The following NOS1AP variants were observed in gnomAD, a reference collection of about 807,000 sequenced individuals.
NOS1AP encodes the protein carboxyl-terminal PDZ ligand of neuronal nitric oxide synthase protein.
Under a neutral mutation model 56.2 loss-of-function variants are expected in NOS1AP, and 21 were observed. The ratio of observed to expected loss-of-function variants is 0.37; its 90% CI spans 0.26 to 0.54. NOS1AP has a LOEUF of 0.54. Among genes scored for constraint, NOS1AP ranks in the 20% least tolerant of loss-of-function variants. NOS1AP has a pLI of 0.84. For missense variants in NOS1AP, 522 were observed against 657.8 expected, an observed-to-expected ratio of 0.79 and a Z score of 2.26; for synonymous variants, 270 against 274.6, an observed-to-expected ratio of 0.98 and a Z score of 0.17.
At chr1:162,246,552 A>T (rs1485111577) in intron 2 of NOS1AP, among the ~76,000 whole-genome samples, 3 of 152,162 alleles carry the variant, frequency 2.0e-5, no homozygotes, top group Admixed American at 6.5e-5. Flanking sequence ...CTAGTTAAGG[A>T]GATGAGATTA....
intron 1 of NOS1AP, among the ~76,000 whole-genome samples, chr1:162,107,668 C>T (rs1306507735): frequency 6.6e-6 from 1 of 152,072 alleles, no homozygotes; most frequent in Non-Finnish European, 1.5e-5. Flanking sequence ...AAATAAAAAA[C>T]ATATAATCCC....
chr1:162,367,090 T>G lies in NOS1AP; in HGVS notation c.1144T>G (p.Ser382Ala), dbSNP rs781230593. The G allele has an allele frequency of 3.7e-6, 6 of 1,613,954 alleles. No homozygotes were observed. Among genetic ancestry groups the G allele is most frequent in the Non-Finnish European group, 5.1e-6 (6 of 1,180,018 alleles). The change falls in exon 10 of 10, where the codon TCC (serine) becomes GCC (alanine). Residue 382 changes from serine to alanine, a missense_variant. Ser to Ala is a moderately conservative substitution (Grantham distance 99). Coordinates refer to ENST00000361897, the MANE Select transcript of NOS1AP (RefSeq NM_014697.3). The surrounding 1 kb of genome is among the most constrained non-coding windows in gnomAD (Gnocchi z 6.5). ...QDSLLEITFR[S>A]GALPVLCDPT... ...CAGCTTGCTGGAGATCACCTTCCGCTCCGGAGCCCTGCCCGTGCTCTGTGA... is the reference window on the plus strand; with the variant it reads ...CAGCTTGCTGGAGATCACCTTCCGCGCCGGAGCCCTGCCCGTGCTCTGTGA...
At chr1:162,081,254 G>A (rs941072877) in intron 1 of NOS1AP, among the ~76,000 whole-genome samples, 16 of 152,292 alleles carry the variant, frequency 1.1e-4, no homozygotes, top group African/African-American at 3.8e-4. Flanking sequence ...TGTTAAAGGT[G>A]ACCTTAGTCC....
chr1:162,139,286 G>A (rs541325029), intron 1 of NOS1AP, among the ~76,000 whole-genome samples: 1 of 152,118 alleles, frequency 6.6e-6, no homozygotes, highest in South Asian at 2.1e-4. Flanking sequence ...GGATTGCAGG[G>A]GTCTCTGGGT....
At chr1:162,225,547 A>G (rs11578169) in intron 2 of NOS1AP, among the ~76,000 whole-genome samples, 81,739 of 152,028 alleles carry the variant, frequency 0.54, 23,022 homozygotes, top group Non-Finnish European at 0.64. Context: ...TGAATATTAT[A>G]AATTAAGTTA....
intron 1 of NOS1AP, among the ~76,000 whole-genome samples, chr1:162,114,666 G>A (rs1389963049): frequency 2.6e-5 from 4 of 152,160 alleles, no homozygotes; most frequent in African/African-American, 9.7e-5. Flanking sequence ...TGGTTGTCCA[G>A]CCCCTCTTTC....
chr1:162,130,097 T>C (rs1275134662), intron 1 of NOS1AP, among the ~76,000 whole-genome samples: 1 of 152,266 alleles, frequency 6.6e-6, no homozygotes, highest in Non-Finnish European at 1.5e-5. Flanking sequence ...ACTGCTACCA[T>C]ACATTGAGCT....
At chr1:162,184,779 A>C (rs1651372532) in intron 2 of NOS1AP, among the ~76,000 whole-genome samples, 1 of 152,238 alleles carries the variant, frequency 6.6e-6, no homozygotes, top group South Asian at 2.1e-4. Context: ...TGAGAAAGTT[A>C]GATTAAATCC....
intron 1 of NOS1AP, among the ~76,000 whole-genome samples, chr1:162,150,560 A>G (rs1050348603): frequency 1.3e-5 from 2 of 152,182 alleles, no homozygotes; most frequent in African/African-American, 4.8e-5. Flanking sequence ...TAGTGGTTGT[A>G]CTAATTTACA....
Position 162,285,925 on chromosome 1 carries a change from C to T in NOS1AP, c.178-1419C>T, listed in dbSNP as rs970969466. On this transcript the variant is annotated intron_variant, in intron 2 of 9. Coordinates refer to ENST00000361897, the MANE Select transcript of NOS1AP (RefSeq NM_014697.3). ...CTGTGACCAGAGCCTGCAATGACAA[C>T]GTGAAGAAGGATCTCTTACCTCAGT... 8.5e-5 allele frequency among the ~76,000 whole-genome samples: 13 copies of T among 152,228 alleles called. No homozygotes were observed. In the South Asian group the frequency reaches 1.2e-3, roughly 15 times the overall value.
rs974771488 is a variant in NOS1AP, at chr1:162,090,330, T to C, written c.105+20048T>C. 4.0e-5 allele frequency among the ~76,000 whole-genome samples: 6 copies of C among 151,432 alleles called. 2 individuals carry two copies. The Middle Eastern group carries it at 0.017, about 432-fold the overall frequency. ...TAATTTTTCTTTTCCTTATAATTTG[T>C]ATACAGTTAAAATTAGATGCTGCCT... On this transcript the variant is annotated intron_variant, in intron 1 of 9. Coordinates refer to ENST00000361897, the MANE Select transcript of NOS1AP (RefSeq NM_014697.3).
chr1:162,146,210 T>C (rs1290559221), intron 1 of NOS1AP, among the ~76,000 whole-genome samples: 4 of 152,330 alleles, frequency 2.6e-5, no homozygotes, highest in Admixed American at 6.5e-5. Flanking sequence ...TAGCAGAAGA[T>C]TCTGCTAGCC....
intron 8 of NOS1AP, chr1:162,365,081 CGT>C (rs112157315): frequency 3.8e-6 from 5 of 1,317,582 alleles, no homozygotes; most frequent in Non-Finnish European, 3.9e-6. Flanking sequence ...TATATGTGCA[CGT>C]GTGTGTGTAC....
intron 5 of NOS1AP, among the ~76,000 whole-genome samples, chr1:162,339,270 G>T (rs1358323355): frequency 6.6e-6 from 1 of 152,094 alleles, no homozygotes; most frequent in African/African-American, 2.4e-5. Context: ...GCCCACAAAT[G>T]CTTTTGGGCT....
chr1:162,257,827 C>A (rs979674579), intron 2 of NOS1AP, among the ~76,000 whole-genome samples: 4 of 152,082 alleles, frequency 2.6e-5, no homozygotes, highest in African/African-American at 9.7e-5. Context: ...GTGAGTGTAA[C>A]CCAAAGTTCC....
intron 2 of NOS1AP, among the ~76,000 whole-genome samples, chr1:162,220,789 T>C (rs1652742138): frequency 2.0e-5 from 3 of 152,224 alleles, no homozygotes; most frequent in Non-Finnish European, 4.4e-5. Context: ...TTTTTGTTTT[T>C]GCATACGCTC....
intron 4 of NOS1AP, 48 bp from the exon 5 acceptor site, chr1:162,332,969 T>G: frequency 1.5e-6 from 2 of 1,347,584 alleles, no homozygotes; most frequent in Non-Finnish European, 2.1e-6. Context: ...GTTGGAGATT[T>G]GAACCTAAGG....
At chr1:162,237,297 A>T (rs1166255140) in intron 2 of NOS1AP, among the ~76,000 whole-genome samples, 1 of 152,218 alleles carries the variant, frequency 6.6e-6, no homozygotes, top group African/African-American at 2.4e-5. Context: ...AATCCAGTAA[A>T]GCCCTTGTTA....
At chr1:162,252,178 C>G (rs1653884749) in intron 2 of NOS1AP, among the ~76,000 whole-genome samples, 1 of 152,022 alleles carries the variant, frequency 6.6e-6, no homozygotes, top group African/African-American at 2.4e-5. Flanking sequence ...TCCTGAGTAG[C>G]TGGGACTATA....
Sources: allele counts gnomAD v4.1 joint callset (sites outside exome capture counted in the v4.1 genomes callset), GRCh38; gene constraint gnomAD v4.1.1; non-coding constraint Gnocchi (gnomAD v3.1); transcripts MANE v1.5; gene names NCBI Gene and HGNC (gene_info 2026-07-23, HGNC 2026-07-21).